The following TTN variants were observed in gnomAD, a reference collection of about 807,000 sequenced individuals.
The protein encoded by TTN is titin, also known as connectin.
In TTN, 1,525 loss-of-function variants were observed where a neutral mutation model predicts 3,223.0. That is an observed-to-expected ratio of 0.47 (90% CI 0.45 to 0.49). TTN has a LOEUF of 0.49. Ranked by LOEUF, TTN falls within the 20% of genes least tolerant of loss-of-function variation. TTN has a pLI of 0.00. For missense variants in TTN, 40,786 were observed against 43,424.0 expected, an observed-to-expected ratio of 0.94 and a Z score of 5.40; for synonymous variants, 14,094 against 15,161.0, an observed-to-expected ratio of 0.93 and a Z score of 5.17.
chr2:178,751,140 A>G (rs1561033859), intron 47 of TTN: 1 of 1,612,752 alleles, frequency 6.2e-7, no homozygotes, highest in Non-Finnish European at 8.5e-7. Context: ...GCTAGATCAG[A>G]CATAGATCTG....
chr2:178,548,658 C>A lies in TTN; in HGVS notation c.92968G>T (p.Asp30990Tyr). The change falls in exon 339 of 363, where the codon GAT becomes TAT. Residue 30990 changes from aspartate to tyrosine, a missense_variant. Transcript: ENST00000589042. The surrounding 1 kb of genome is among the most constrained non-coding windows in gnomAD (Gnocchi z 4.3). ...ACAGTAAGGGTATATTTCCCTGCAT[C>A]ATTTCTGTTGCAGTTTTCCACAGTG... ...TLTVENCNRN[D>Y]AGKYTLTVEN... 1.2e-6 allele frequency: 2 copies of A among 1,613,846 alleles called. No individual in the cohort carries two copies. The highest frequency in any genetic ancestry group is 2.2e-5 in the South Asian group (2 of 91,066).
rs397517618 is a variant in TTN, at chr2:178,604,888, G to A, written c.54201C>T (p.Ser18067=). The A allele has an allele frequency of 2.5e-6, 4 of 1,611,168 alleles. No homozygotes were observed. In the African/African-American group the frequency reaches 4.0e-5, roughly 16 times the overall value. Residue 18067 remains serine, a synonymous_variant, in exon 281 of 363, where the codon TCC becomes TCT. Transcript: ENST00000589042. ...CAGTAACAGCAAGATTTCTTGGTGG[G>A]GATGGGCGGTCTGGAAAGGAATCAA... ...NVHVEVYDRP[S]PPRNLAVTDI...
rs968291050 is a variant in TTN, at chr2:178,674,557, T to C, written c.34613-148A>G. On this transcript the variant is annotated intron_variant, in intron 150 of 362. Coordinates refer to ENST00000589042, the MANE Select transcript of TTN (RefSeq NM_001267550.2). ...AAATCTCTACTGGGTCTTCAAAATA[T>C]GTTAGGCATATCCCAGCATTTGTGA... is the stretch of plus-strand genomic sequence containing the variant. 9 of 415,832 alleles carry C rather than the reference T, an allele frequency of 2.2e-5. No individual in the cohort carries two copies. In the East Asian group the frequency reaches 2.2e-4, roughly 10 times the overall value. 25.8% of individuals were successfully genotyped at this position (415,832 alleles called of 1,614,324 possible). A position where few individuals can be genotyped will look rare whatever the true frequency, so the allele number is the denominator to read the frequency against.
At chr2:178,671,398 T>C (rs113722209) in intron 155 of TTN, among the ~76,000 whole-genome samples, 1 of 151,748 alleles carries the variant, frequency 6.6e-6, no homozygotes, top group South Asian at 2.1e-4. Context: ...TACACATATA[T>C]TGTTAATTTG....
At position 178,672,195 on chromosome 2, in the gene TTN, A is replaced by G; in HGVS notation, c.35003T>C (p.Leu11668Ser). The G allele has an allele frequency of 6.4e-7, 1 of 1,570,318 alleles. No homozygotes were observed. The highest frequency in any genetic ancestry group is 8.6e-7 in the Non-Finnish European group (1 of 1,156,208). The change falls in exon 155 of 363, where the codon TTA becomes TCA. Residue 11668 changes from leucine to serine, a missense_variant. By Grantham distance (145) the Leu-to-Ser change is moderately radical. Transcript: ENST00000589042. Reference protein sequence around the residue: ...QEVVVKERLELEVVEAEVEEI... With the variant: ...QEVVVKERLESEVVEAEVEEI... ...TTCCACTTCTGCTTCTACTACTTCT[A>G]ATTCTAGTCTTTCTTTTACTACTAC...
Position 178,707,616 on chromosome 2 carries a change from C to T in TTN, c.28951G>A (p.Asp9651Asn). Residue 9651 changes from aspartate to asparagine, a missense_variant, in exon 100 of 363, where the codon GAT becomes AAT. Physicochemically the swap from Asp to Asn is conservative, Grantham distance 23. Coordinates refer to ENST00000589042, the MANE Select transcript of TTN (RefSeq NM_001267550.2). ...TCTCCCGAATCTGCTTTAGCCACAT[C>T]TCTGAGTTCCAGTACAGCTGTCCCA... ...ASGTAVLELR[D>N]VAKADSGDYV... 4 of 1,613,922 alleles carry T rather than the reference C, an allele frequency of 2.5e-6. No individual in the cohort carries two copies. Among genetic ancestry groups the T allele is most frequent in the Non-Finnish European group, 3.4e-6 (4 of 1,179,842 alleles).
rs771646684 is a variant in TTN, at chr2:178,568,154, G to A, written c.77978C>T (p.Pro25993Leu). The A allele has an allele frequency of 6.8e-6, 11 of 1,613,398 alleles. No homozygotes were observed. The highest frequency in any genetic ancestry group is 6.6e-5 in the South Asian group (6 of 91,078). ...GGCTGTGGCAAATGGTGTACCTGGA[G>A]GGCCTGGTTCTTTGTAGGGATATTG... ...VAQYPYKEPGPPGTPFATAIS... is the reference protein window; with the variant it reads ...VAQYPYKEPGLPGTPFATAIS... Residue 25993 changes from proline (P) to leucine (L), a missense_variant, in exon 326 of 363, where the codon CCT becomes CTT. Coordinates refer to ENST00000589042, the MANE Select transcript of TTN (RefSeq NM_001267550.2).
rs767301504 is a variant in TTN at position 178,764,774 on chromosome 2, A to G, written c.9741T>C (p.Pro3247=). The change falls in exon 42 of 363, where the codon CCT becomes CCC. Residue 3247 remains proline (P), a synonymous_variant. Coordinates refer to ENST00000589042, the MANE Select transcript of TTN (RefSeq NM_001267550.2). ...CAGGCTTGCCAGACTGCACAGTGACAGGCTGGAGCTCCTGCAGAACTTGGG... is the reference window on the plus strand; with the variant it reads ...CAGGCTTGCCAGACTGCACAGTGACGGGCTGGAGCTCCTGCAGAACTTGGG... ...EPPQVLQELQ[P]VTVQSGKPAR... The G allele has an allele frequency of 5.0e-6, 8 of 1,613,780 alleles. No homozygotes were observed. In the South Asian group the frequency reaches 6.6e-5, roughly 13 times the overall value.
chr2:178,740,629 G>A lies in TTN; in HGVS notation c.12604C>T (p.Leu4202=). The change falls in exon 48 of 363, where the codon CTG becomes TTG. Residue 4202 remains leucine, a synonymous_variant. Transcript: ENST00000589042. ...EQINSLTVEP[L]KTLLAEPEGN... Reference sequence around the variant, plus strand: ...TCAGGTTCAGCTAATAAAGTTTTCAGAGGCTCAACTGTTAATGAATTAATT... The same window carrying A: ...TCAGGTTCAGCTAATAAAGTTTTCAAAGGCTCAACTGTTAATGAATTAATT... 2.5e-6 allele frequency: 4 copies of A among 1,613,836 alleles called. No homozygotes were observed. Among genetic ancestry groups the A allele is most frequent in the Non-Finnish European group, 3.4e-6 (4 of 1,179,820 alleles).
rs773799748 is a variant in TTN at position 178,782,224 on chromosome 2, G to C, written c.3368C>G (p.Thr1123Ser). The C allele has an allele frequency of 2.2e-5, 36 of 1,614,006 alleles. No individual in the cohort carries two copies. The highest frequency in any genetic ancestry group is 3.4e-6 in the Non-Finnish European group (4 of 1,180,006). The change falls in exon 20 of 363, where the codon ACC becomes AGC. Residue 1123 changes from threonine to serine, a missense_variant. By Grantham distance (58) the Thr-to-Ser change is moderately conservative (BLOSUM62 1). Transcript: ENST00000589042. ...GCCATCAAAATACCTGTATCCAGTG[G>C]TTAGAGGAACACCAGATTTTTTCCA... is the stretch of plus-strand genomic sequence containing the variant. Reference protein sequence around the residue: ...VYWKKSGVPLTTGYRYKVSYN... With the variant: ...VYWKKSGVPLSTGYRYKVSYN...
Position 178,618,365 on chromosome 2 carries a change from T to A in TTN, c.47093A>T (p.Asp15698Val). The change falls in exon 252 of 363, where the codon GAC becomes GTC. Residue 15698 changes from aspartate (D) to valine (V), a missense_variant. Physicochemically the swap from Asp to Val is radical, Grantham distance 152. Coordinates refer to ENST00000589042, the MANE Select transcript of TTN (RefSeq NM_001267550.2). ...KIIGYVVERRDIKRKTWVLAT... is the reference protein window; with the variant it reads ...KIIGYVVERRVIKRKTWVLAT... ...CAGAACCCAGGTCTTTCTCTTAATG[T>A]CACGTCTTTCAACAACGTAACCTAT... 1 of 1,612,556 alleles carries A rather than the reference T, an allele frequency of 6.2e-7. No homozygotes were observed.
In TTN at chr2:178,532,020, A is replaced by G. The variant is rs751936434; in HGVS notation, c.104595T>C (p.Ala34865=). The G allele has an allele frequency of 6.2e-7, 1 of 1,613,880 alleles. No homozygotes were observed. Among genetic ancestry groups the G allele is most frequent in the Non-Finnish European group, 8.5e-7 (1 of 1,179,860 alleles). Residue 34865 remains alanine, a synonymous_variant, in exon 358 of 363, where the codon GCT becomes GCC. Coordinates refer to ENST00000589042, the MANE Select transcript of TTN (RefSeq NM_001267550.2). ...SELIRSRPQP[A]EEYEDDTERR... ...TTTCTGTGTCATCTTCGTATTCCTC[A>G]GCCGGTTGTGGACGTGACCGGATCA...
chr2:178,783,668 A>C, intron 17 of TTN, 52 bp downstream of exon 17: 1 of 1,440,482 alleles, frequency 6.9e-7, no homozygotes, highest in Non-Finnish European at 9.8e-7. Context: ...GTGTATTAAA[A>C]TGATTTGAGG....
rs2092915210 is a variant in TTN at position 178,783,074 on chromosome 2, G to A, written c.2842-10C>T. 1 of 1,613,536 alleles carries A rather than the reference G, an allele frequency of 6.2e-7. No individual in the cohort carries two copies. The highest frequency in any genetic ancestry group is 1.1e-5 in the South Asian group (1 of 91,076). Reference sequence around the variant, plus strand: ...TCACATTTTTTAAGCCCTGAAGAGAGGAGAAAAAATAAATAATGATACGTG... The same window carrying A: ...TCACATTTTTTAAGCCCTGAAGAGAAGAGAAAAAATAAATAATGATACGTG... On this transcript the variant is annotated splice_polypyrimidine_tract_variant and intron_variant, in intron 17 of 362. Coordinates refer to ENST00000589042, the MANE Select transcript of TTN (RefSeq NM_001267550.2).
intron 294 of TTN, among the ~76,000 whole-genome samples, chr2:178,596,603 T>C (rs1209565805): frequency 6.6e-6 from 1 of 152,068 alleles, no homozygotes; most frequent in East Asian, 1.9e-4. Flanking sequence ...AACGTGGAAA[T>C]GTACCAGTTC....
In TTN at chr2:178,689,580, T is replaced by C; in HGVS notation, c.31862A>G (p.Lys10621Arg). The stretch of plus-strand genomic sequence containing the variant: ...TATTTTTTCTTCTGTCACAACTCCC[T>C]TCTGTACTTCAGGAACTTGAAGAGA... ...APPAKVPEVQ[K>R]GVVTEEKITI... Residue 10621 changes from lysine (K) to arginine (R), a missense_variant, in exon 123 of 363, where the codon AAG becomes AGG. Lys to Arg is a conservative substitution (Grantham distance 26, BLOSUM62 2). Coordinates refer to ENST00000589042, the MANE Select transcript of TTN (RefSeq NM_001267550.2). 6.2e-7 allele frequency: 1 copy of C among 1,604,452 alleles called. No individual in the cohort carries two copies. The highest frequency in any genetic ancestry group is 1.1e-5 in the South Asian group (1 of 88,856).
At chr2:178,791,663 A>ATGTGTGTGTGTGTGTGTGTG (rs58282760) in intron 10 of TTN, among the ~76,000 whole-genome samples, 1 of 147,384 alleles carries the variant, frequency 6.8e-6, no homozygotes, top group South Asian at 2.2e-4. Flanking sequence ...GTATGTGTAT[A>ATGTGTGTGTGTGTGTGTGTG]TGTGTGTGTG....
Position 178,616,889 on chromosome 2 carries a change from A to G in TTN, c.48000T>C (p.Asp16000=), listed in dbSNP as rs760906090. The part of the protein sequence containing the change: ...PRPTATWCFG[D]KVLETGDRVK... ...CCCGGTCCCCTGTTTCTAGTACTTT[A>G]TCTCCAAAACACCAGGTTGCAGTTG... Residue 16000 remains aspartate, a synonymous_variant, in exon 256 of 363, where the codon GAT becomes GAC. Coordinates refer to ENST00000589042, the MANE Select transcript of TTN (RefSeq NM_001267550.2). The G allele has an allele frequency of 1.2e-5, 20 of 1,612,670 alleles. No individual in the cohort carries two copies. Among genetic ancestry groups the G allele is most frequent in the Non-Finnish European group, 1.6e-5 (19 of 1,179,182 alleles).
In TTN at chr2:178,530,445, T is replaced by G. The variant is rs1468435820; in HGVS notation, c.106170A>C (p.Ser35390=). The G allele has an allele frequency of 1.2e-6, 2 of 1,613,908 alleles. No individual in the cohort carries two copies. The highest frequency in any genetic ancestry group is 1.7e-6 in the Non-Finnish European group (2 of 1,179,900). The change falls in exon 358 of 363, where the codon TCA becomes TCC. Residue 35390 remains serine, a synonymous_variant. Coordinates refer to ENST00000589042, the MANE Select transcript of TTN (RefSeq NM_001267550.2). ...TTTTCTGATCTGATTTCTTAGTTTC[T>G]GATATTTTTGATACCTTCTCATGGA... ...KSIHEKVSKI[S]ETKKSDQKTT...
Sources: allele counts gnomAD v4.1 joint callset (sites outside exome capture counted in the v4.1 genomes callset), GRCh38; gene constraint gnomAD v4.1.1; non-coding constraint Gnocchi (gnomAD v3.1); transcripts MANE v1.5; gene names NCBI Gene and HGNC (gene_info 2026-07-23, HGNC 2026-07-21).